The following CLSTN3 variants were observed in gnomAD, a reference collection of about 807,000 sequenced individuals.
CLSTN3 encodes calsyntenin-3.
CLSTN3 carries 36 observed loss-of-function variants against 95.9 expected under a neutral mutation model. The observed-to-expected ratio is 0.38, with a 90% CI of 0.29 to 0.50. CLSTN3 has a LOEUF of 0.50. CLSTN3 is among the 20% of genes least tolerant of loss of function. CLSTN3 has a pLI of 0.95. For missense variants in CLSTN3, 1,084 were observed against 1,268.8 expected, an observed-to-expected ratio of 0.85 and a Z score of 2.21; for synonymous variants, 481 against 504.0, an observed-to-expected ratio of 0.95 and a Z score of 0.61.
intron 1 of CLSTN3, 26 bp from the exon 2 acceptor site, chr12:7,132,998 C>T (rs1330599917): frequency 6.2e-7 from 1 of 1,612,442 alleles, no homozygotes; most frequent in Non-Finnish European, 8.5e-7. Flanking sequence ...CAGGTGCTTC[C>T]TCTCCTCTCC....
chr12:7,140,750 T>TA (rs1020856873), intron 8 of CLSTN3, among the ~76,000 whole-genome samples: 22 of 152,056 alleles, frequency 1.4e-4, no homozygotes, highest in Non-Finnish European at 2.4e-4. Context: ...CTCTAAAAAA[T>TA]AAAAAAATTA....
chr12:7,142,718 CTTTT>C (rs373132235), intron 10 of CLSTN3, 147 bp from the exon 11 acceptor site: 932 of 304,440 alleles, frequency 3.1e-3, no homozygotes, highest in South Asian at 4.6e-3. Context: ...CTCTTTTTTC[CTTTT>C]TTTTTTTTTT....
At chr12:7,152,608 G>A (rs1250764880) in intron 16 of CLSTN3, among the ~76,000 whole-genome samples, 2 of 152,202 alleles carry the variant, frequency 1.3e-5, no homozygotes, top group East Asian at 1.9e-4. Flanking sequence ...TGAACACTAT[G>A]TGAAAGTACA....
intron 12 of CLSTN3, among the ~76,000 whole-genome samples, chr12:7,146,358 C>A (rs1411875145): frequency 6.6e-6 from 1 of 152,120 alleles, no homozygotes; most frequent in East Asian, 1.9e-4. Context: ...CATGATTGCA[C>A]CACTGCATTC....
In CLSTN3 at chr12:7,158,042, C is replaced by T. The variant is rs1290059529; in HGVS notation, c.2832C>T (p.Asp944=). ...AGGTGGCCGATTCCCCCAGCAGCGA[C>T]GAGAGACGCATCATCGAGACCCCCC... The part of the protein sequence containing the change: ...DSEVADSPSS[D]ERRIIETPPH... The change falls in exon 18 of 18, where the codon GAC becomes GAT. Residue 944 remains aspartate (D), a synonymous_variant. Coordinates refer to ENST00000266546, the MANE Select transcript of CLSTN3 (RefSeq NM_014718.4). 17 of 1,548,356 alleles carry T rather than the reference C, an allele frequency of 1.1e-5. No individual in the cohort carries two copies. The highest frequency in any genetic ancestry group is 1.4e-5 in the African/African-American group (1 of 72,836).
Position 7,141,168 on chromosome 12 carries a change from TG to T in CLSTN3, c.1324-70del. On this transcript the variant is annotated intron_variant, in intron 8 of 17. Coordinates refer to ENST00000266546, the MANE Select transcript of CLSTN3 (RefSeq NM_014718.4). The surrounding 1 kb of genome is among the most constrained non-coding windows in gnomAD (Gnocchi z 4.1). ...GGACTGTCCCCTGTCTCCCAGGAGATGGGGCAGTGCCTAGGGTTAGCTCTCT... is the reference window on the plus strand; with the variant it reads ...GGACTGTCCCCTGTCTCCCAGGAGATGGGCAGTGCCTAGGGTTAGCTCTCT... 6.8e-7 allele frequency: 1 copy of T among 1,460,422 alleles called. No individual in the cohort carries two copies. Among genetic ancestry groups the T allele is most frequent in the Non-Finnish European group, 9.3e-7 (1 of 1,071,150 alleles). The allele number at this position is 1,460,422 out of a possible 1,614,324, so 90.5% of individuals were successfully genotyped here. A position where few individuals can be genotyped will look rare whatever the true frequency, so the allele number is the denominator to read the frequency against.
intron 16 of CLSTN3, chr12:7,156,766 G>T (rs188628984): frequency 5.9e-5 from 27 of 456,582 alleles, no homozygotes; most frequent in African/African-American, 5.4e-4. Flanking sequence ...ATGCCCCTCT[G>T]AGCCTGGGCA....
At chr12:7,131,660 G>A (rs552790302) in intron 1 of CLSTN3, 1 of 410,180 alleles carries the variant, frequency 2.4e-6, no homozygotes, top group Non-Finnish European at 4.9e-6. Context: ...GACAAGCAGG[G>A]TGGGAGGGGG....
In CLSTN3 at chr12:7,141,215, G is replaced by A. The variant is rs1187665816; in HGVS notation, c.1324-27G>A. 2 of 1,606,444 alleles carry A rather than the reference G, an allele frequency of 1.2e-6. No individual in the cohort carries two copies. Among genetic ancestry groups the A allele is most frequent in the East Asian group, 4.5e-5 (2 of 44,730 alleles). ...TCTCTGAAGACGAATTACCTGAGAG[G>A]CTCTTGCCCCTACCCTACTCTCCCA... On this transcript the variant is annotated intron_variant, in intron 8 of 17. Coordinates refer to ENST00000266546, the MANE Select transcript of CLSTN3 (RefSeq NM_014718.4). This position sits in a 1 kb window ranked among gnomAD's most constrained non-coding sequence, Gnocchi z 4.1.
In CLSTN3 at chr12:7,130,633, T is replaced by C; in HGVS notation, c.-16T>C. On this transcript the variant is annotated 5_prime_UTR_variant, in exon 1 of 18. Transcript: ENST00000266546. ...GGGAGGCAAACGCCTGGCCCTGCCC[T>C]GCCCCACGCCGCACCATGACCCTCC... 6.4e-7 allele frequency: 1 copy of C among 1,560,884 alleles called. No homozygotes were observed. Among genetic ancestry groups the C allele is most frequent in the Non-Finnish European group, 8.7e-7 (1 of 1,152,288 alleles).
At chr12:7,151,877 A>T (rs567944697) in intron 16 of CLSTN3, among the ~76,000 whole-genome samples, 1 of 152,052 alleles carries the variant, frequency 6.6e-6, no homozygotes, top group Admixed American at 6.6e-5. Flanking sequence ...ACACAGTGAG[A>T]CTCTGTCTTT....
intron 8 of CLSTN3, among the ~76,000 whole-genome samples, chr12:7,140,035 G>C (rs1007123453): frequency 6.6e-6 from 1 of 152,196 alleles, no homozygotes; most frequent in African/African-American, 2.4e-5. Context: ...TGTTGCAACA[G>C]TCTTCATGAA....
At position 7,142,200 on chromosome 12, in the gene CLSTN3, T is replaced by A. The variant is rs1296346295; in HGVS notation, c.1540+61T>A. On this transcript the variant is annotated intron_variant, in intron 10 of 17. Transcript: ENST00000266546. ...CTCATCTTCACTTTCTGTTCTGAGA[T>A]CCCTTTTCCACCCCAAATCCTATCC... 4.9e-6 allele frequency: 7 copies of A among 1,430,794 alleles called. No homozygotes were observed. The Admixed American group carries it at 1.3e-4, about 26-fold the overall frequency. The allele number at this position is 1,430,794 out of a possible 1,614,324, so 88.6% of individuals were successfully genotyped here.
In CLSTN3 at chr12:7,135,106, C is replaced by G. The variant is rs758983043; in HGVS notation, c.384-221C>G. On this transcript the variant is annotated intron_variant, in intron 3 of 17. Coordinates refer to ENST00000266546, the MANE Select transcript of CLSTN3 (RefSeq NM_014718.4). ...CTTGGTGTACAGTATAAGGCTGTAT[C>G]TCGTTGTGCCCATATTGAGGCTGTT... Among the ~76,000 whole-genome samples, 3 of 152,154 alleles carry G rather than the reference C, an allele frequency of 2.0e-5. No homozygotes were observed. The East Asian group carries it at 5.8e-4, about 29-fold the overall frequency.
intron 16 of CLSTN3, among the ~76,000 whole-genome samples, chr12:7,154,826 A>G (rs1939788373): frequency 2.0e-5 from 3 of 152,250 alleles, no homozygotes. Context: ...AAGGAGGAAC[A>G]GGTAATGATG....
At position 7,133,155 on chromosome 12, in the gene CLSTN3, G is replaced by A. The variant is rs1308546795; in HGVS notation, c.187+9G>A. Reference sequence around the variant, plus strand: ...CCCGCTGCGCTATGCAGGTAATTGGGATTGGGGGATGGCAAGGCAGGGTAG... The same window carrying A: ...CCCGCTGCGCTATGCAGGTAATTGGAATTGGGGGATGGCAAGGCAGGGTAG... On this transcript the variant is annotated intron_variant, in intron 2 of 17. Transcript: ENST00000266546. This position sits in a 1 kb window ranked among gnomAD's most constrained non-coding sequence, Gnocchi z 4.7. 1 of 1,423,900 alleles carries A rather than the reference G, an allele frequency of 7.0e-7. No individual in the cohort carries two copies. The allele number at this position is 1,423,900 out of a possible 1,614,324, so 88.2% of individuals were successfully genotyped here.
At chr12:7,146,002 T>A (rs964314834) in intron 12 of CLSTN3, among the ~76,000 whole-genome samples, 2 of 152,198 alleles carry the variant, frequency 1.3e-5, no homozygotes, top group African/African-American at 4.8e-5. Flanking sequence ...TCTGGCCCAT[T>A]GCCTCCTAAC....
At chr12:7,139,643 T>C (rs1005331335) in intron 8 of CLSTN3, among the ~76,000 whole-genome samples, 2 of 88,076 alleles carry the variant, frequency 2.3e-5, no homozygotes, top group African/African-American at 7.6e-5. Flanking sequence ...TCATTATTAT[T>C]ATTATTATTA....
At chr12:7,130,322 C>G, upstream of CLSTN3, 1 of 1,098,992 alleles carries the variant, frequency 9.1e-7, no homozygotes, top group Non-Finnish European at 1.2e-6. Flanking sequence ...CTCCCAGTCA[C>G]CTGATTGGCC....
Sources: gnomAD v4.1 joint callset for allele counts (sites outside exome capture counted in the v4.1 genomes callset) on GRCh38, gnomAD v4.1.1 for gene constraint, Gnocchi (gnomAD v3.1) non-coding constraint, MANE v1.5 for transcripts, NCBI Gene and HGNC (gene_info 2026-07-23, HGNC 2026-07-21) for gene names.